The following ITIH6 variants were observed in gnomAD, a reference collection of about 807,000 sequenced individuals.
The protein encoded by ITIH6 is inter-alpha-trypsin inhibitor heavy chain family member 6, also known as inter-alpha-trypsin inhibitor heavy chain H6.
ITIH6 carries 60 observed loss-of-function variants against 58.2 expected under a neutral mutation model. That is an observed-to-expected ratio of 1.03 (90% CI 0.84 to 1.28). The LOEUF is 1.28. Among genes scored for constraint, ITIH6 ranks in the 50% most tolerant of loss-of-function variants. The pLI is 0.00. For missense variants in ITIH6, 1,290 were observed against 1,021.1 expected (o/e 1.26, Z -3.59); for synonymous variants, 493 against 417.4 (o/e 1.18, Z -2.21).
chrX:54,756,969 T>G lies in ITIH6; in HGVS notation c.3105A>C (p.Glu1035Asp). The change falls in exon 8 of 13, where the codon GAA becomes GAC. Residue 1035 changes from glutamate (E) to aspartate (D), a missense_variant. Physicochemically the swap from Glu to Asp is conservative, Grantham distance 45 (BLOSUM62 2). Transcript: ENST00000218436. Reference protein sequence around the residue: ...PAFYTFLTPDEDGSPNWDGNS... With the variant: ...PAFYTFLTPDDDGSPNWDGNS... ...CCTCTTACCCATGGCACTCACCATCTTCATCAGGAGTGAGGAAGGTATAGA... is the reference window on the plus strand; with the variant it reads ...CCTCTTACCCATGGCACTCACCATCGTCATCAGGAGTGAGGAAGGTATAGA... 1 of 1,165,631 alleles carries G rather than the reference T, an allele frequency of 8.6e-7. No homozygotes were observed.
chrX:54,770,149 C>T (rs1019815921), intron 6 of ITIH6, among the ~76,000 whole-genome samples: 1 of 112,477 alleles, frequency 8.9e-6, no homozygotes, highest in Non-Finnish European at 1.9e-5. Context: ...TTTTCAGGTG[C>T]GTCCCTCACC....
chrX:54,757,998 C>G lies in ITIH6; in HGVS notation c.2076G>C (p.Glu692Asp), dbSNP rs1928541560. 1 of 1,209,997 alleles carries G rather than the reference C, an allele frequency of 8.3e-7. No homozygotes were observed. The highest frequency in any genetic ancestry group is 1.8e-5 in the South Asian group (1 of 56,786). Residue 692 changes from glutamate to aspartate, a missense_variant, in exon 8 of 13, where the codon GAG (glutamate) becomes GAC (aspartate). Physicochemically the swap from Glu to Asp is conservative, Grantham distance 45. Transcript: ENST00000218436. The stretch of plus-strand genomic sequence containing the variant: ...TGGGCATTGACAGGGTATGAGGGCT[C>G]TCTCCCAATGGCTCCAGCTCTTTGG... ...LSSKELEPLG[E>D]SPHTLSMPTY...
At position 54,751,225 on chromosome X, in the gene ITIH6, C is replaced by T. The variant is rs775437503; in HGVS notation, c.3508G>A (p.Gly1170Ser). The change falls in exon 12 of 13, where the codon GGT becomes AGT. Residue 1170 changes from glycine (G) to serine (S), a missense_variant. Coordinates refer to ENST00000218436, the MANE Select transcript of ITIH6 (RefSeq NM_198510.3). ...TGGTCCCAGGACAGGCGCAAGGTAC[C>T]CTCGCCTCGCAAAGATATAGAACTG... ...SRSSISLRGE[G>S]TLRLSWDQPA... 7.4e-6 allele frequency: 9 copies of T among 1,210,127 alleles called. No homozygotes were observed. The African/African-American group carries it at 1.2e-4, about 16-fold the overall frequency.
chrX:54,784,411 G>T (rs1929206304), intron 5 of ITIH6, among the ~76,000 whole-genome samples: 1 of 111,441 alleles, frequency 9.0e-6, no homozygotes, highest in Non-Finnish European at 1.9e-5. Flanking sequence ...ACAACCCACA[G>T]AATGGGACAA....
intron 5 of ITIH6, among the ~76,000 whole-genome samples, chrX:54,786,653 A>G (rs1396182562): frequency 9.0e-6 from 1 of 110,908 alleles, no homozygotes; most frequent in Non-Finnish European, 1.9e-5. Flanking sequence ...ACTTTTATTC[A>G]TTCCGTAACA....
chrX:54,780,220 A>G (rs1257031196), intron 5 of ITIH6, among the ~76,000 whole-genome samples: 1 of 112,098 alleles, frequency 8.9e-6, no homozygotes, highest in African/African-American at 3.2e-5. Flanking sequence ...CAGAATATGC[A>G]TTCTTTTCTT....
intron 5 of ITIH6, 150 bp downstream of exon 5, chrX:54,788,330 A>T: frequency 2.1e-6 from 1 of 468,536 alleles, no homozygotes; most frequent in Non-Finnish European, 3.6e-6. Context: ...CCCAAAGTTG[A>T]AGCCGTGTGT....
rs754650213 is a variant in ITIH6, at chrX:54,750,036, G to C, written c.3801C>G (p.Gly1267=). ...PMGPCLRRHH[G]PDVPVILGKR... ...TGCCTAGAATCACAGGCACATCTGG[G>C]CCATGGTGCCTTCGTAAGCATGGCC... The change falls in exon 13 of 13, where the codon GGC becomes GGG. Residue 1267 remains glycine (G), a synonymous_variant. Coordinates refer to ENST00000218436, the MANE Select transcript of ITIH6 (RefSeq NM_198510.3). The C allele has an allele frequency of 8.3e-7, 1 of 1,211,078 alleles. No individual in the cohort carries two copies. Among genetic ancestry groups the C allele is most frequent in the Non-Finnish European group, 1.1e-6 (1 of 895,030 alleles).
intron 5 of ITIH6, among the ~76,000 whole-genome samples, chrX:54,779,324 AAAC>A (rs1003544784): frequency 2.6e-4 from 29 of 112,397 alleles, no homozygotes; most frequent in Non-Finnish European, 3.6e-4. Context: ...AGTACTAACT[AAAC>A]AACTTTTCAA....
chrX:54,753,780 T>A lies in ITIH6; in HGVS notation c.3239-16A>T. ...TCCCCGTCCACTGCAAGGCAGAAGATACAACTCTAAAGTTAAAGGAATAAA... is the reference window on the plus strand; with the variant it reads ...TCCCCGTCCACTGCAAGGCAGAAGAAACAACTCTAAAGTTAAAGGAATAAA... On this transcript the variant is annotated splice_polypyrimidine_tract_variant and intron_variant, in intron 10 of 12. Coordinates refer to ENST00000218436, the MANE Select transcript of ITIH6 (RefSeq NM_198510.3). The A allele has an allele frequency of 8.6e-7, 1 of 1,163,339 alleles. No homozygotes were observed. The highest frequency in any genetic ancestry group is 1.2e-6 in the Non-Finnish European group (1 of 852,232).
At chrX:54,791,267 C>A (rs1324155651) in intron 3 of ITIH6, among the ~76,000 whole-genome samples, 183 bp from the exon 4 acceptor site, 1 of 108,847 alleles carries the variant, frequency 9.2e-6, no homozygotes, top group Non-Finnish European at 1.9e-5. Context: ...GTCTCTCTCT[C>A]CCTCCCTCCC....
chrX:54,774,035 GTC>G, intron 6 of ITIH6, 44 bp downstream of exon 6: 1 of 784,647 alleles, frequency 1.3e-6, no homozygotes, highest in Non-Finnish European at 1.9e-6. Flanking sequence ...TGCTTTCTGG[GTC>G]TTCTGATACT....
At chrX:54,791,861 G>A (rs1929353920) in intron 3 of ITIH6, 65 bp downstream of exon 3, 2 of 614,603 alleles carry the variant, frequency 3.3e-6, no homozygotes, top group African/African-American at 2.2e-5. Context: ...CAGAGAGAAC[G>A]TGCATCTCCC....
chrX:54,764,946 G>A (rs1181661170), intron 6 of ITIH6, among the ~76,000 whole-genome samples: 1 of 88,627 alleles, frequency 1.1e-5, no homozygotes, highest in Non-Finnish European at 2.2e-5. Flanking sequence ...TTTAATGATT[G>A]CCATTCTAAC....
chrX:54,768,667 G>T (rs1255278692), intron 6 of ITIH6, among the ~76,000 whole-genome samples: 1 of 107,406 alleles, frequency 9.3e-6, no homozygotes. Context: ...TGAAATTCTG[G>T]GTTGAAAATT....
rs1929334259 is a variant in ITIH6 at position 54,790,897 on chromosome X, T to G, written c.556A>C (p.Ile186Leu). ...IEVTVSERTG[I>L]SYVHIPPLRT... ...AGGGGTGGTATGTGCACATAGGAGA[T>G]GCCTGTCCTTTCTGACACTGTAACC... The change falls in exon 4 of 13, where the codon ATC becomes CTC. Residue 186 changes from isoleucine (I) to leucine (L), a missense_variant. Coordinates refer to ENST00000218436, the MANE Select transcript of ITIH6 (RefSeq NM_198510.3). 8.3e-7 allele frequency: 1 copy of G among 1,211,034 alleles called. No homozygotes were observed. Among genetic ancestry groups the G allele is most frequent in the South Asian group, 1.8e-5 (1 of 56,947 alleles).
In ITIH6 at chrX:54,757,463, G is replaced by A. The variant is rs201125581; in HGVS notation, c.2611C>T (p.Leu871Phe). The A allele has an allele frequency of 1.0e-4, 121 of 1,208,663 alleles. No individual in the cohort carries two copies. Among genetic ancestry groups the A allele is most frequent in the Non-Finnish European group, 1.2e-4 (110 of 894,624 alleles). The stretch of plus-strand genomic sequence containing the variant: ...GGGTTTGGGGTCTCAGGCTTGGAAA[G>A]TGATATGCTTGTGGAAATTTGGTGT... ...PPHQISTSISLSKPETPNPHM... is the reference protein window; with the variant it reads ...PPHQISTSISFSKPETPNPHM... Residue 871 changes from leucine (L) to phenylalanine (F), a missense_variant, in exon 8 of 13, where the codon CTT becomes TTT. Physicochemically the swap from Leu to Phe is conservative, Grantham distance 22. Coordinates refer to ENST00000218436, the MANE Select transcript of ITIH6 (RefSeq NM_198510.3).
intron 6 of ITIH6, among the ~76,000 whole-genome samples, chrX:54,766,237 T>G (rs1187276834): frequency 3.7e-5 from 4 of 106,807 alleles, no homozygotes; most frequent in African/African-American, 1.4e-4. Flanking sequence ...TACATTGATT[T>G]TGTATCCTGA....
chrX:54,794,999 C>T (rs1417645646), intron 2 of ITIH6, among the ~76,000 whole-genome samples: 3 of 111,942 alleles, frequency 2.7e-5, no homozygotes, highest in Non-Finnish European at 3.8e-5. Context: ...TACTTACTCT[C>T]CACTACAGTC....
Sources: allele counts gnomAD v4.1 joint callset (sites outside exome capture counted in the v4.1 genomes callset), GRCh38; gene constraint gnomAD v4.1.1; transcripts MANE v1.5; gene names NCBI Gene and HGNC (gene_info 2026-07-23, HGNC 2026-07-21).